Variants in PVT1 observed in about 807,000 individuals in gnomAD.
The protein encoded by PVT1 is CXCR4/PVT1 fusion.
chr8:128,054,650 T>C (rs1387917314), intron 4 of PVT1, among the ~76,000 whole-genome samples: 2 of 152,198 alleles, frequency 1.3e-5, no homozygotes, highest in Non-Finnish European at 2.9e-5. Context: ...TCTTGCCACA[T>C]GATTTGGGCA....
rs188024668 is a variant in PVT1, at chr8:127,817,140, C to T, written n.372+21069C>T. Among the ~76,000 whole-genome samples the T allele has an allele frequency of 2.6e-5, 4 of 151,740 alleles. No homozygotes were observed. The South Asian group carries it at 6.3e-4, about 24-fold the overall frequency. ...GGATTTTCCTGGGATTGTAGACTCT[C>T]AAATTTGGAATGGACTTCTATGGCC... On this transcript the variant is annotated intron_variant and non_coding_transcript_variant, in intron 2 of 10. Transcript: ENST00000651587.
chr8:127,816,801 G>A (rs1814666167), intron 2 of PVT1, among the ~76,000 whole-genome samples: 1 of 152,216 alleles, frequency 6.6e-6, no homozygotes, highest in African/African-American at 2.4e-5. Context: ...TTCTTAAATA[G>A]TGTATTGTTT....
At chr8:128,015,625 T>C (rs1214311844) in intron 4 of PVT1, among the ~76,000 whole-genome samples, 1 of 151,746 alleles carries the variant, frequency 6.6e-6, no homozygotes, top group African/African-American at 2.4e-5. Flanking sequence ...ACACCAAAAT[T>C]AACTGGCTGT....
chr8:127,949,181 A>G (rs998365730), intron 3 of PVT1, among the ~76,000 whole-genome samples: 2 of 152,134 alleles, frequency 1.3e-5, no homozygotes, highest in Admixed American at 6.5e-5. Flanking sequence ...GGGCTGGTCC[A>G]TATGTGGAAC....
intron 3 of PVT1, among the ~76,000 whole-genome samples, chr8:127,896,150 G>A (rs375506604): frequency 6.6e-6 from 1 of 152,224 alleles, no homozygotes; most frequent in East Asian, 1.9e-4. Flanking sequence ...CCTTCACATG[G>A]CTAGTTTCCT....
chr8:127,928,986 C>T (rs1291647826), intron 3 of PVT1, among the ~76,000 whole-genome samples: 2 of 152,176 alleles, frequency 1.3e-5, no homozygotes, highest in East Asian at 3.9e-4. Context: ...TGATATGCGG[C>T]TGCACAGCCA....
At chr8:128,043,620 A>C (rs923106015) in intron 4 of PVT1, among the ~76,000 whole-genome samples, 2 of 152,124 alleles carry the variant, frequency 1.3e-5, no homozygotes, top group African/African-American at 4.8e-5. Context: ...TGTGGACTCC[A>C]TGGCATTCAG....
intron 3 of PVT1, among the ~76,000 whole-genome samples, chr8:127,911,616 C>T (rs1470161838): frequency 6.6e-6 from 1 of 152,228 alleles, no homozygotes; most frequent in Non-Finnish European, 1.5e-5. Flanking sequence ...ACCACCCCTG[C>T]GTAGTCCCTG....
At chr8:127,913,767 G>A (rs534858693) in intron 3 of PVT1, among the ~76,000 whole-genome samples, 4 of 152,054 alleles carry the variant, frequency 2.6e-5, no homozygotes, top group African/African-American at 7.3e-5. Context: ...TAAGTCGTCC[G>A]CAGTCTTTCC....
intron 4 of PVT1, among the ~76,000 whole-genome samples, chr8:128,060,150 G>C (rs1813813109): frequency 6.6e-6 from 1 of 152,142 alleles, no homozygotes; most frequent in African/African-American, 2.4e-5. Flanking sequence ...TAGCTGCTGG[G>C]GAGGCTGAGG....
chr8:128,060,502 G>A (rs1813817423), intron 4 of PVT1, among the ~76,000 whole-genome samples: 1 of 152,246 alleles, frequency 6.6e-6, no homozygotes. Context: ...TGAATCTGAT[G>A]AATAGTTCCT....
At chr8:128,056,080 G>C (rs1245297418) in intron 4 of PVT1, among the ~76,000 whole-genome samples, 1 of 152,226 alleles carries the variant, frequency 6.6e-6, no homozygotes, top group Non-Finnish European at 1.5e-5. Context: ...TCTTGGGTTG[G>C]TTTGTAATAA....
At chr8:128,071,747 G>C (rs1813997893) in intron 5 of PVT1, among the ~76,000 whole-genome samples, 1 of 146,904 alleles carries the variant, frequency 6.8e-6, no homozygotes, top group Non-Finnish European at 1.5e-5. Context: ...AAACCGTATA[G>C]TTATAATTTG....
intron 4 of PVT1, among the ~76,000 whole-genome samples, chr8:128,015,644 G>A (rs1382623251): frequency 6.6e-6 from 1 of 151,838 alleles, no homozygotes; most frequent in African/African-American, 2.4e-5. Flanking sequence ...GTGGTGGCAT[G>A]CGCCTGTAGA....
intron 2 of PVT1, among the ~76,000 whole-genome samples, chr8:127,841,774 G>A (rs1814977361): frequency 6.6e-6 from 1 of 151,778 alleles, no homozygotes; most frequent in Non-Finnish European, 1.5e-5. Flanking sequence ...CACCCAGGCT[G>A]GAGTGCAGTG....
At position 127,870,100 on chromosome 8, in the gene PVT1, G is replaced by C. The variant is rs187469105; in HGVS notation, n.373-20489G>C. 2.2e-3 allele frequency among the ~76,000 whole-genome samples: 328 copies of C among 152,262 alleles called. 3 individuals carry two copies. Among genetic ancestry groups the C allele is most frequent in the Middle Eastern group, 0.014 (4 of 294 alleles). On this transcript the variant is annotated intron_variant and non_coding_transcript_variant, in intron 2 of 10. Coordinates refer to ENST00000651587, the Ensembl canonical transcript of PVT1. Reference sequence around the variant, plus strand: ...GTTACAGGCACGAGCCACTGTGCCTGGTGGACATTGGGTCTTTTTAGATGT... The same window carrying C: ...GTTACAGGCACGAGCCACTGTGCCTCGTGGACATTGGGTCTTTTTAGATGT...
chr8:128,067,190 A>G (rs1318972080), intron 4 of PVT1, among the ~76,000 whole-genome samples: 1 of 151,912 alleles, frequency 6.6e-6, no homozygotes, highest in East Asian at 1.9e-4. Context: ...TGAAGTCTCG[A>G]CTCCCTAACT....
intron 4 of PVT1, among the ~76,000 whole-genome samples, chr8:128,026,718 A>C (rs1404492541): frequency 6.6e-6 from 1 of 152,192 alleles, no homozygotes; most frequent in Non-Finnish European, 1.5e-5. Context: ...AGAGGCCAGA[A>C]AAGTTCAAAT....
chr8:127,838,409 C>T (rs1250508858), intron 2 of PVT1, among the ~76,000 whole-genome samples: 1 of 151,900 alleles, frequency 6.6e-6, no homozygotes, highest in African/African-American at 2.4e-5. Context: ...CCTATGGGGT[C>T]AAAAACAAGG....
Sources: allele counts gnomAD v4.1 joint callset (sites outside exome capture counted in the v4.1 genomes callset), GRCh38; gene constraint gnomAD v4.1.1; transcripts MANE v1.5; gene names NCBI Gene and HGNC (gene_info 2026-07-23, HGNC 2026-07-21).